PTPRN2: variants seen among roughly 807,000 people sequenced by gnomAD.
The protein encoded by PTPRN2 is protein tyrosine phosphatase receptor type N2, also known as receptor-type tyrosine-protein phosphatase N2.
Under a neutral mutation model 118.8 loss-of-function variants are expected in PTPRN2, and 74 were observed. The ratio of observed to expected loss-of-function variants is 0.62; its 90% CI spans 0.52 to 0.76. The LOEUF (loss-of-function observed/expected upper bound fraction) is 0.76. Ranked by LOEUF, PTPRN2 falls within the 30% of genes least tolerant of loss-of-function variation. The probability of loss-of-function intolerance (pLI) is 0.00; values close to 1 mark genes in which losing one functional copy is unlikely to be tolerated. For missense variants in PTPRN2, 1,481 were observed against 1,394.4 expected, an observed-to-expected ratio of 1.06 and a Z score of -0.99; for synonymous variants, 641 against 608.0, an observed-to-expected ratio of 1.05 and a Z score of -0.80.
Position 158,295,789 on chromosome 7 carries a change from C to T in PTPRN2, c.277+21030G>A, listed in dbSNP as rs536785741. On this transcript the variant is annotated intron_variant, in intron 3 of 22. Coordinates refer to ENST00000389418, the MANE Select transcript of PTPRN2 (RefSeq NM_002847.5). ...CCACTCTCCATCCGCACGGTTCACC[C>T]GCCTTTCTGAGGGTCCAAGCCCACG... 5.4e-5 allele frequency among the ~76,000 whole-genome samples: 8 copies of T among 149,476 alleles called. 1 individual carries two copies. The highest frequency in any genetic ancestry group is 2.0e-4 in the Admixed American group (3 of 15,010).
intron 11 of PTPRN2, among the ~76,000 whole-genome samples, chr7:157,940,653 C>T (rs915201387): frequency 7.2e-6 from 1 of 138,784 alleles, no homozygotes. Context: ...CCCTCCCCAC[C>T]GTGACACTGC....
At chr7:158,038,000 T>C (rs773740662) in intron 11 of PTPRN2, among the ~76,000 whole-genome samples, 52 of 152,144 alleles carry the variant, frequency 3.4e-4, no homozygotes, top group Non-Finnish European at 6.5e-4. Flanking sequence ...TGGGTCTCAC[T>C]TGGGAGGAGA....
At chr7:157,594,726 C>T (rs1801192845) in intron 17 of PTPRN2, among the ~76,000 whole-genome samples, 1 of 152,254 alleles carries the variant, frequency 6.6e-6, no homozygotes, top group Non-Finnish European at 1.5e-5. Flanking sequence ...CACCTGCCCT[C>T]TGCATGTTGC....
At chr7:158,281,642 C>T (rs1288510091) in intron 3 of PTPRN2, among the ~76,000 whole-genome samples, 4 of 152,218 alleles carry the variant, frequency 2.6e-5, no homozygotes, top group African/African-American at 4.8e-5. Context: ...TGCCACGTCC[C>T]GTGCAAACGC....
At position 158,093,863 on chromosome 7, in the gene PTPRN2, GAC is replaced by G. The variant is rs78721299; in HGVS notation, c.1644-12488_1644-12487del. ...TTATTTGAATGTATGAGGAAACAAA[GAC>G]ACACACAGTTATTGCAAGATAATTT... On this transcript the variant is annotated intron_variant, in intron 10 of 22. Coordinates refer to ENST00000389418, the MANE Select transcript of PTPRN2 (RefSeq NM_002847.5). This position sits in a 1 kb window ranked among gnomAD's most constrained non-coding sequence, Gnocchi z 4.4. 7.4e-3 allele frequency among the ~76,000 whole-genome samples: 1,132 copies of G among 152,258 alleles called. 31 individuals are homozygous for G. The East Asian group carries it at 0.094, about 13-fold the overall frequency.
At chr7:158,501,590 AG>A (rs1350703395) in intron 1 of PTPRN2, among the ~76,000 whole-genome samples, 1 of 152,100 alleles carries the variant, frequency 6.6e-6, no homozygotes, top group Non-Finnish European at 1.5e-5. Context: ...CAGCAGTCGC[AG>A]GGGGGGACCT....
chr7:158,156,547 C>G (rs1325803205), intron 6 of PTPRN2, among the ~76,000 whole-genome samples: 2 of 152,232 alleles, frequency 1.3e-5, no homozygotes, highest in Non-Finnish European at 2.9e-5. Context: ...GTAATGGGAA[C>G]AGTTACCTCG....
chr7:157,630,211 G>A (rs1279177291), intron 14 of PTPRN2, among the ~76,000 whole-genome samples: 2 of 152,176 alleles, frequency 1.3e-5, no homozygotes, highest in Non-Finnish European at 2.9e-5. Flanking sequence ...TCTGTAGATT[G>A]CTGCATCTGG....
chr7:157,955,076 G>T (rs2128805113), intron 11 of PTPRN2, among the ~76,000 whole-genome samples: 1 of 152,216 alleles, frequency 6.6e-6, no homozygotes, highest in South Asian at 2.1e-4. Flanking sequence ...TCCCCAAGGA[G>T]CCCCCTGGAG....
intron 3 of PTPRN2, among the ~76,000 whole-genome samples, chr7:158,217,615 G>A (rs1828041728): frequency 6.6e-6 from 1 of 152,120 alleles, no homozygotes; most frequent in South Asian, 2.1e-4. Flanking sequence ...AAACTGAAAT[G>A]ACTGAAATGA....
At position 158,546,204 on chromosome 7, in the gene PTPRN2, G is replaced by A. The variant is rs991929117; in HGVS notation, c.112+41354C>T. On this transcript the variant is annotated intron_variant, in intron 1 of 22. Transcript: ENST00000389418. The surrounding 1 kb of genome is among the most constrained non-coding windows in gnomAD (Gnocchi z 5.0). The stretch of plus-strand genomic sequence containing the variant: ...TGGACACGGCCTGTCTCCTCCCTGA[G>A]AGGAACCATCAGGGAGCCTCGGTAT... Among the ~76,000 whole-genome samples the A allele has an allele frequency of 9.9e-5, 15 of 152,180 alleles. No homozygotes were observed. Among genetic ancestry groups the A allele is most frequent in the Non-Finnish European group, 7.4e-5 (5 of 68,024 alleles).
chr7:158,102,371 A>G (rs989950040), intron 10 of PTPRN2, among the ~76,000 whole-genome samples: 10 of 152,060 alleles, frequency 6.6e-5, no homozygotes, highest in Non-Finnish European at 1.3e-4. Flanking sequence ...CCCTCTGCCC[A>G]ATTATCTCAG....
rs1252237127 is a variant in PTPRN2, at chr7:157,545,213, TGG to T, written c.2976+3731_2976+3732del. 3.5e-5 allele frequency among the ~76,000 whole-genome samples: 5 copies of T among 142,708 alleles called. No homozygotes were observed. The East Asian group carries it at 1.1e-3, about 30-fold the overall frequency. The allele number at this position is 142,708 out of a possible 152,430, so 93.6% of individuals were successfully genotyped here. A position where few individuals can be genotyped will look rare whatever the true frequency, so the allele number is the denominator to read the frequency against. On this transcript the variant is annotated intron_variant, in intron 22 of 22. Transcript: ENST00000389418. ...TGTCTGTGGGTGTGTGTGCAATGTG[TGG>T]GTGTGCGCAGTGTCCGTGGCTGTGT...
At chr7:158,085,163 TCCA>T (rs1310462728) in intron 10 of PTPRN2, among the ~76,000 whole-genome samples, 14 of 46,204 alleles carry the variant, frequency 3.0e-4, no homozygotes, top group African/African-American at 1.2e-3. Flanking sequence ...TCGACGCCCA[TCCA>T]GATACCCATC....
intron 1 of PTPRN2, among the ~76,000 whole-genome samples, chr7:158,571,550 T>TTTC (rs1828045386): frequency 7.0e-6 from 1 of 142,502 alleles, no homozygotes; most frequent in Non-Finnish European, 1.5e-5. Context: ...TTTTTTTCTT[T>TTTC]TGAGCAGGAG....
intron 11 of PTPRN2, among the ~76,000 whole-genome samples, chr7:158,071,834 G>A (rs1394312417): frequency 1.0e-4 from 7 of 69,786 alleles, no homozygotes; most frequent in African/African-American, 2.0e-4. Context: ...GGTGCCCGTG[G>A]TGGAGGTGCT....
At chr7:158,410,986 C>A (rs139838676) in intron 2 of PTPRN2, among the ~76,000 whole-genome samples, 1 of 66,066 alleles carries the variant, frequency 1.5e-5, no homozygotes, top group Non-Finnish European at 3.0e-5. Context: ...AGACATGGAG[C>A]GTGAGTAGGA....
intron 14 of PTPRN2, among the ~76,000 whole-genome samples, chr7:157,640,729 C>CA (rs1319744452): frequency 1.3e-5 from 2 of 152,154 alleles, no homozygotes; most frequent in African/African-American, 4.8e-5. Flanking sequence ...CAGCAACAGA[C>CA]AGTCTTCTCA....
chr7:157,744,193 G>A (rs557863000), intron 12 of PTPRN2, among the ~76,000 whole-genome samples: 17 of 152,330 alleles, frequency 1.1e-4, no homozygotes, highest in African/African-American at 3.6e-4. Flanking sequence ...GTAAACAAGC[G>A]GGCGCGAGGT....
Sources: allele counts gnomAD v4.1 joint callset (sites outside exome capture counted in the v4.1 genomes callset), GRCh38; gene constraint gnomAD v4.1.1; non-coding constraint Gnocchi (gnomAD v3.1); transcripts MANE v1.5; gene names NCBI Gene and HGNC (gene_info 2026-07-23, HGNC 2026-07-21).